Variants in ADCY1 observed in about 807,000 individuals in gnomAD.
The protein encoded by ADCY1 is adenylate cyclase 1, also known as adenylate cyclase type 1.
Under a neutral mutation model 105.4 loss-of-function variants are expected in ADCY1, and 28 were observed. The observed-to-expected ratio is 0.27, with a 90% confidence interval of 0.20 to 0.36. The LOEUF is 0.36. ADCY1 is among the 10% of genes least tolerant of loss of function. The pLI is 1.00. For missense variants in ADCY1, 977 were observed against 1,434.2 expected, an observed-to-expected ratio of 0.68 and a Z score of 5.15; for synonymous variants, 655 against 623.8, an observed-to-expected ratio of 1.05 and a Z score of -0.75.
intron 1 of ADCY1, among the ~76,000 whole-genome samples, chr7:45,586,542 A>G (rs1216150110): frequency 5.3e-5 from 8 of 152,238 alleles, no homozygotes; most frequent in Non-Finnish European, 1.2e-4. Context: ...GTTTCAAATG[A>G]TGCTAATTCT....
At chr7:45,684,874 C>T (rs1784635121) in intron 11 of ADCY1, 105 bp from the exon 12 acceptor site, 1 of 962,602 alleles carries the variant, frequency 1.0e-6, no homozygotes. Flanking sequence ...GTGGACCTAG[C>T]AGCTTGCAGG....
At chr7:45,673,964 CATATATATATATATATATATATAT>C (rs58025464) in intron 8 of ADCY1, among the ~76,000 whole-genome samples, 12,858 of 115,088 alleles carry the variant, frequency 0.11, 1,388 homozygotes, top group East Asian at 0.39. Context: ...TTCAGATGAG[CATATATATATATATATATATATAT>C]ATATATATAT....
intron 4 of ADCY1, among the ~76,000 whole-genome samples, chr7:45,644,342 C>T (rs1470816694): frequency 3.3e-5 from 5 of 152,230 alleles, no homozygotes; most frequent in South Asian, 4.2e-4. Flanking sequence ...CCTTCTGGGA[C>T]GGGTCCTGGG....
intron 14 of ADCY1, among the ~76,000 whole-genome samples, chr7:45,702,289 TCCCTCTAACA>T (rs1785013893): frequency 6.6e-6 from 1 of 152,168 alleles, no homozygotes; most frequent in Non-Finnish European, 1.5e-5. Flanking sequence ...CTACAAGTGT[TCCCTCTAACA>T]GTGGGTGTGT....
intron 5 of ADCY1, among the ~76,000 whole-genome samples, chr7:45,650,021 C>G (rs560442946): frequency 6.6e-6 from 1 of 152,264 alleles, no homozygotes; most frequent in African/African-American, 2.4e-5. Flanking sequence ...AGGAAAGATG[C>G]CTGGCGTGGA....
At chr7:45,723,116 ACT>A (rs1430239034), downstream of ADCY1, 4 of 152,398 alleles carry the variant, frequency 2.6e-5, no homozygotes, top group Admixed American at 1.3e-4. Flanking sequence ...GCTTGACTAA[ACT>A]CTGTGGCCAT....
chr7:45,657,581 G>T (rs1794976491), intron 5 of ADCY1, 146 bp from the exon 6 acceptor site: 3 of 861,868 alleles, frequency 3.5e-6, no homozygotes, highest in African/African-American at 3.4e-5. Flanking sequence ...CACTGACTAT[G>T]CCAGGAGACC....
intron 14 of ADCY1, among the ~76,000 whole-genome samples, chr7:45,691,662 A>G (rs1353568062): frequency 6.6e-6 from 1 of 152,198 alleles, no homozygotes. Flanking sequence ...TATAATTTCA[A>G]TGTTTATGCT....
intron 14 of ADCY1, among the ~76,000 whole-genome samples, chr7:45,697,531 C>T (rs993014671): frequency 1.3e-5 from 2 of 151,968 alleles, no homozygotes; most frequent in African/African-American, 4.8e-5. Flanking sequence ...GCTGGGGTTA[C>T]AGGCATGCGC....
intron 14 of ADCY1, among the ~76,000 whole-genome samples, chr7:45,691,365 C>T (rs1295504727): frequency 2.0e-5 from 3 of 152,208 alleles, no homozygotes; most frequent in African/African-American, 7.2e-5. Context: ...ACCTGCTTTC[C>T]CGTAACCCTA....
rs1048737902 is a variant in ADCY1 at position 45,650,031 on chromosome 7, A to G, written c.1148+1234A>G. On this transcript the variant is annotated intron_variant, in intron 5 of 19. Coordinates refer to ENST00000297323, the MANE Select transcript of ADCY1 (RefSeq NM_021116.4). ...AAGGAAGGAAAGATGCCTGGCGTGG[A>G]GAAGACTTAGAAGTGATGACCATCA... Among the ~76,000 whole-genome samples, 3 of 152,156 alleles carry G rather than the reference A, an allele frequency of 2.0e-5. No homozygotes were observed. The South Asian group carries it at 6.2e-4, about 32-fold the overall frequency.
At chr7:45,593,834 G>A (rs766899507) in intron 2 of ADCY1, among the ~76,000 whole-genome samples, 36 of 152,238 alleles carry the variant, frequency 2.4e-4, no homozygotes. Flanking sequence ...AATAAAAGTA[G>A]GATATACAAT....
Position 45,575,465 on chromosome 7 carries a change from G to A in ADCY1, c.639+283G>A, listed in dbSNP as rs1792308311. Reference sequence around the variant, plus strand: ...AGAGAAAGGTTTGGCCAAGGTCAGGGAGCTGATGAGCGGCCAGACGGCGGC... The same window carrying A: ...AGAGAAAGGTTTGGCCAAGGTCAGGAAGCTGATGAGCGGCCAGACGGCGGC... On this transcript the variant is annotated intron_variant, in intron 1 of 19. Coordinates refer to ENST00000297323, the MANE Select transcript of ADCY1 (RefSeq NM_021116.4). The surrounding 1 kb of genome is among the most constrained non-coding windows in gnomAD (Gnocchi z 4.7). Among the ~76,000 whole-genome samples the A allele has an allele frequency of 6.6e-6, 1 of 152,264 alleles. No homozygotes were observed. The highest frequency in any genetic ancestry group is 6.5e-5 in the Admixed American group (1 of 15,292).
At chr7:45,655,844 T>G (rs879532087) in intron 5 of ADCY1, among the ~76,000 whole-genome samples, 4 of 152,118 alleles carry the variant, frequency 2.6e-5, no homozygotes, top group Non-Finnish European at 4.4e-5. Flanking sequence ...ACACTAACAG[T>G]GCACAAAAAC....
intron 1 of ADCY1, among the ~76,000 whole-genome samples, chr7:45,589,669 TG>T (rs996864645): frequency 3.3e-5 from 5 of 151,956 alleles, no homozygotes; most frequent in African/African-American, 1.2e-4. Flanking sequence ...TGCGGGGGCG[TG>T]GGTGTCTCGG....
At chr7:45,589,608 A>T (rs963187122) in intron 1 of ADCY1, among the ~76,000 whole-genome samples, 1 of 152,236 alleles carries the variant, frequency 6.6e-6, no homozygotes, top group Admixed American at 6.5e-5. Context: ...GGAACTCTCA[A>T]TTCCAACACA....
At position 45,721,446 on chromosome 7, in the gene ADCY1, G is replaced by GAGCT; in HGVS notation, c.*7452_*7455dup. 1 of 384,494 alleles carries GAGCT rather than the reference G, an allele frequency of 2.6e-6. No individual in the cohort carries two copies. The highest frequency in any genetic ancestry group is 4.6e-6 in the Non-Finnish European group (1 of 217,674). 23.8% of individuals were successfully genotyped at this position (384,494 alleles called of 1,614,324 possible). A position where few individuals can be genotyped will look rare whatever the true frequency, so the allele number is the denominator to read the frequency against. ...TTTCAAATATACAGAATCTCCTTAA[G>GAGCT]AGCTGTTGCCTTATTTTTTTGTAAA... On this transcript the variant is annotated 3_prime_UTR_variant, in exon 20 of 20. Transcript: ENST00000297323.
chr7:45,601,566 C>T (rs1190790077), intron 2 of ADCY1, among the ~76,000 whole-genome samples: 1 of 151,934 alleles, frequency 6.6e-6, no homozygotes, highest in Non-Finnish European at 1.5e-5. Flanking sequence ...TGGTTTGTCT[C>T]GATGGTGATT....
chr7:45,663,198 C>T (rs1466938542), intron 8 of ADCY1, among the ~76,000 whole-genome samples: 1 of 152,242 alleles, frequency 6.6e-6, no homozygotes, highest in African/African-American at 2.4e-5. Flanking sequence ...TGCCGCTCTG[C>T]TACCCGCACC....
Sources: gnomAD v4.1 joint callset for allele counts (sites outside exome capture counted in the v4.1 genomes callset) on GRCh38, gnomAD v4.1.1 for gene constraint, Gnocchi (gnomAD v3.1) non-coding constraint, MANE v1.5 for transcripts, NCBI Gene and HGNC (gene_info 2026-07-23, HGNC 2026-07-21) for gene names.